The following RBFOX1 variants were observed in gnomAD, a reference collection of about 807,000 sequenced individuals.
The protein encoded by RBFOX1 is RNA binding protein fox-1 homolog 1.
Under a neutral mutation model 57.7 loss-of-function variants are expected in RBFOX1, and 8 were observed. That is an observed-to-expected ratio of 0.14 (90% CI 0.08 to 0.25). The LOEUF (loss-of-function observed/expected upper bound fraction) is 0.25, where lower values mean the gene tolerates loss of function less well. Among genes scored for constraint, RBFOX1 ranks in the 10% least tolerant of loss-of-function variants. The pLI, the probability that RBFOX1 is intolerant of heterozygous loss-of-function variation, is 1.00. For missense variants in RBFOX1, 611 were observed against 548.5 expected, an observed-to-expected ratio of 1.11 and a Z score of -1.14; for synonymous variants, 326 against 222.4, an observed-to-expected ratio of 1.47 and a Z score of -4.15.
intron 1 of RBFOX1, among the ~76,000 whole-genome samples, chr16:6,086,979 A>C (rs985439538): frequency 1.3e-5 from 2 of 152,218 alleles, no homozygotes; most frequent in Non-Finnish European, 2.9e-5. Context: ...AAGCTGTAGC[A>C]ACACATCACT....
Position 6,643,969 on chromosome 16 carries a change from T to TA in RBFOX1, c.-63-10626dup, listed in dbSNP as rs535781966. Among the ~76,000 whole-genome samples the TA allele has an allele frequency of 5.5e-3, 830 of 151,584 alleles. 8 individuals are homozygous for TA. The highest frequency in any genetic ancestry group is 5.8e-3 in the Non-Finnish European group (395 of 67,880). On this transcript the variant is annotated intron_variant, in intron 2 of 15. Transcript: ENST00000550418. Reference sequence around the variant, plus strand: ...GGGGAAACCCCATCTGTACTAAAAATAAAAAAAATAGCCAGACGTGGTAGC... The same window carrying TA: ...GGGGAAACCCCATCTGTACTAAAAATAAAAAAAAATAGCCAGACGTGGTAGC...
intron 3 of RBFOX1, among the ~76,000 whole-genome samples, chr16:6,964,324 G>A (rs1455016662): frequency 6.6e-6 from 1 of 152,226 alleles, no homozygotes; most frequent in African/African-American, 2.4e-5. Context: ...TGGCAGCATA[G>A]AGGATTTTTA....
intron 1 of RBFOX1, among the ~76,000 whole-genome samples, chr16:5,299,567 G>A (rs1471652002): frequency 2.0e-5 from 3 of 152,108 alleles, no homozygotes; most frequent in African/African-American, 4.8e-5. Flanking sequence ...AGTTCCAATT[G>A]TTTCATGTTC....
At chr16:7,544,354 T>TC (rs561843288) in intron 5 of RBFOX1, among the ~76,000 whole-genome samples, 33 of 152,258 alleles carry the variant, frequency 2.2e-4, no homozygotes, top group African/African-American at 7.9e-4. Flanking sequence ...TGAATTAGTG[T>TC]CCCCCCAAAT....
intron 3 of RBFOX1, among the ~76,000 whole-genome samples, chr16:7,045,957 C>G (rs1289328978): frequency 6.6e-6 from 1 of 152,098 alleles, no homozygotes; most frequent in African/African-American, 2.4e-5. Context: ...CATGCCCGGC[C>G]AAGATAAACT....
chr16:6,978,187 C>G (rs1160638903), intron 3 of RBFOX1, among the ~76,000 whole-genome samples: 1 of 152,176 alleles, frequency 6.6e-6, no homozygotes, highest in Non-Finnish European at 1.5e-5. Context: ...ATTAGCCAGC[C>G]TTGACTGGGC....
At chr16:6,555,983 T>G (rs960614402) in intron 2 of RBFOX1, among the ~76,000 whole-genome samples, 1 of 152,200 alleles carries the variant, frequency 6.6e-6, no homozygotes. Context: ...GGTTCTTTAT[T>G]GGAACCGACT....
intron 4 of RBFOX1, among the ~76,000 whole-genome samples, chr16:7,390,154 T>G (rs189331589): frequency 6.6e-6 from 1 of 152,138 alleles, no homozygotes; most frequent in Admixed American, 6.5e-5. Context: ...TTGTGAAAAC[T>G]CTATCAAAAG....
chr16:7,468,570 G>T (rs554362564), intron 4 of RBFOX1, among the ~76,000 whole-genome samples: 1 of 152,010 alleles, frequency 6.6e-6, no homozygotes, highest in East Asian at 1.9e-4. Flanking sequence ...TCGGAAATGG[G>T]ACAGCTTCCA....
At chr16:6,328,969 A>T (rs934312516) in intron 2 of RBFOX1, among the ~76,000 whole-genome samples, 4 of 152,178 alleles carry the variant, frequency 2.6e-5, no homozygotes, top group African/African-American at 9.6e-5. Flanking sequence ...TGTGAAAGAA[A>T]GAGTCCCTAG....
At chr16:6,637,645 C>T (rs1190724327) in intron 2 of RBFOX1, among the ~76,000 whole-genome samples, 2 of 148,512 alleles carry the variant, frequency 1.3e-5, no homozygotes, top group Non-Finnish European at 3.0e-5. Flanking sequence ...CTAAAGTACT[C>T]CCCAGATAAC....
At chr16:6,385,497 T>C (rs1187554771) in intron 2 of RBFOX1, among the ~76,000 whole-genome samples, 1 of 152,064 alleles carries the variant, frequency 6.6e-6, no homozygotes, top group Non-Finnish European at 1.5e-5. Flanking sequence ...GTAGCTGGGA[T>C]TACAGGCATG....
At chr16:7,413,184 C>T (rs1388916465) in intron 4 of RBFOX1, among the ~76,000 whole-genome samples, 1 of 151,988 alleles carries the variant, frequency 6.6e-6, no homozygotes. Context: ...TTCATAACAC[C>T]AGCTTTTCCC....
In RBFOX1 at chr16:7,320,920, A is replaced by G. The variant is rs142047830; in HGVS notation, c.28-197227A>G. Among the ~76,000 whole-genome samples, 3 of 152,324 alleles carry G rather than the reference A, an allele frequency of 2.0e-5. No individual in the cohort carries two copies. The East Asian group carries it at 5.8e-4, about 29-fold the overall frequency. On this transcript the variant is annotated intron_variant, in intron 4 of 15. Transcript: ENST00000550418. ...GTAACTTGCCCAGGGAAAAACAGCC[A>G]GGGATTTTCAGAGCCCAAATTTGGA... is the stretch of plus-strand genomic sequence containing the variant.
chr16:7,691,658 C>G (rs1003459739), intron 14 of RBFOX1, among the ~76,000 whole-genome samples: 14 of 152,100 alleles, frequency 9.2e-5, no homozygotes, highest in African/African-American at 2.2e-4. Context: ...GTTACCTATT[C>G]GTTCAGTCAC....
chr16:6,896,706 A>AGTGCCC (rs56296282), intron 3 of RBFOX1, among the ~76,000 whole-genome samples: 6 of 152,306 alleles, frequency 3.9e-5, no homozygotes, highest in Non-Finnish European at 7.3e-5. Flanking sequence ...GTGTTAGAAA[A>AGTGCCC]GTGCCCGGTA....
chr16:6,863,136 T>G (rs2059307614), intron 3 of RBFOX1, among the ~76,000 whole-genome samples: 2 of 151,978 alleles, frequency 1.3e-5, no homozygotes, highest in South Asian at 4.2e-4. Flanking sequence ...GAAGAGAAAT[T>G]AATAAGCAGG....
intron 3 of RBFOX1, among the ~76,000 whole-genome samples, chr16:6,912,378 G>T (rs576418731): frequency 1.5e-3 from 223 of 150,954 alleles, no homozygotes; most frequent in Non-Finnish European, 2.4e-3. Context: ...TCTCGGAGTG[G>T]GGACGGTACA....
intron 3 of RBFOX1, among the ~76,000 whole-genome samples, chr16:6,682,981 T>C (rs974409814): frequency 1.3e-5 from 2 of 151,624 alleles, no homozygotes; most frequent in Admixed American, 6.6e-5. Flanking sequence ...AGCTGCAGTG[T>C]TGAGTGCTTT....
Sources: gnomAD v4.1 joint callset for allele counts (sites outside exome capture counted in the v4.1 genomes callset) on GRCh38, gnomAD v4.1.1 for gene constraint, MANE v1.5 for transcripts, NCBI Gene and HGNC (gene_info 2026-07-23, HGNC 2026-07-21) for gene names.